The following OCLN variants were observed in gnomAD, a reference collection of about 807,000 sequenced individuals.
OCLN encodes the protein phosphatase 1, regulatory subunit 115.
Under a neutral mutation model 47.9 loss-of-function variants are expected in OCLN, and 21 were observed. The ratio of observed to expected loss-of-function variants is 0.44; its 90% CI spans 0.31 to 0.63. OCLN has a LOEUF of 0.63. Among genes scored for constraint, OCLN ranks in the 30% least tolerant of loss-of-function variants. OCLN has a pLI of 0.08. For missense variants in OCLN, 360 were observed against 571.0 expected (o/e 0.63, Z 3.77); for synonymous variants, 117 against 198.4 (o/e 0.59, Z 3.45).
rs1206241877 is a variant in OCLN at position 69,553,612 on chromosome 5, A to C, written c.1510A>C (p.Lys504Gln). ...KSKKNHCKQL[K>Q]SKLSHIKKMV... is the part of the protein sequence containing the mutation. The stretch of plus-strand genomic sequence containing the variant: ...TAAGAAGAATCATTGCAAGCAGTTA[A>C]AGAGCAAATTGTCACACATCAAGAA... Residue 504 changes from lysine to glutamine, a missense_variant, in exon 9 of 9, where the codon AAG becomes CAG. By Grantham distance (53) the Lys-to-Gln change is moderately conservative. Around this residue, in one of 3 missense-constraint regions of OCLN, gnomAD observed 25 missense variants for 43.9 expected, o/e 0.57. Transcript: ENST00000396442. The C allele has an allele frequency of 6.2e-7, 1 of 1,614,044 alleles. No individual in the cohort carries two copies. Among genetic ancestry groups the C allele is most frequent in the East Asian group, 2.2e-5 (1 of 44,860 alleles).
chr5:69,533,108 C>T (rs141432883), intron 4 of OCLN, among the ~76,000 whole-genome samples: 93,695 of 146,758 alleles, frequency 0.64, 31,497 homozygotes, highest in Non-Finnish European at 0.75. Context: ...CACACACACA[C>T]ATATATATAT....
At position 69,554,386 on chromosome 5, in the gene OCLN, G is replaced by C. The variant is rs1428779007; in HGVS notation, c.*715G>C. On this transcript the variant is annotated 3_prime_UTR_variant, in exon 9 of 9. Transcript: ENST00000396442. ...GTTTAAACCCCGTGGTTAGAATTTT[G>C]TGTGTTTTTAAATACTTTTTATCTT... 6.6e-6 allele frequency: 1 copy of C among 152,012 alleles called. No individual in the cohort carries two copies. Among genetic ancestry groups the C allele is most frequent in the African/African-American group, 2.4e-5 (1 of 41,368 alleles). The allele number at this position is 152,012 out of a possible 1,614,324, so 9.4% of individuals were successfully genotyped here.
In OCLN at chr5:69,509,287, G is replaced by T. The variant is rs116363086; in HGVS notation, c.197G>T (p.Arg66Leu). The T allele has an allele frequency of 1.4e-4, 223 of 1,614,130 alleles. 1 individual carries two copies. Among genetic ancestry groups the T allele is most frequent in the Non-Finnish European group, 1.8e-4 (212 of 1,180,034 alleles). ...TGGACCTCTCCTCCAGGAGTGATTC[G>T]GATCCTGTCTATGCTCATTATTGTG... ...YKWTSPPGVI[R>L]ILSMLIIVMC... The change falls in exon 3 of 9, where the codon CGG (arginine) becomes CTG (leucine). Residue 66 changes from arginine (R) to leucine (L), a missense_variant. By Grantham distance (102) the Arg-to-Leu change is moderately radical. This residue lies in a region of OCLN where 314 missense variants were observed against 368.1 expected (regional missense o/e 0.85). Coordinates refer to ENST00000396442, the MANE Select transcript of OCLN (RefSeq NM_001205254.2).
In OCLN at chr5:69,553,831, A is replaced by G; in HGVS notation, c.*160A>G. 1.0e-6 allele frequency: 1 copy of G among 978,958 alleles called. No homozygotes were observed. The allele number at this position is 978,958 out of a possible 1,614,324, so 60.6% of individuals were successfully genotyped here. A position where few individuals can be genotyped will look rare whatever the true frequency, so the allele number is the denominator to read the frequency against. On this transcript the variant is annotated 3_prime_UTR_variant, in exon 9 of 9. Coordinates refer to ENST00000396442, the MANE Select transcript of OCLN (RefSeq NM_001205254.2). Reference sequence around the variant, plus strand: ...TCATCAGTATTGAAGCATTTTATAAATCGCTTTTGATAATCAACTGGGCTG... The same window carrying G: ...TCATCAGTATTGAAGCATTTTATAAGTCGCTTTTGATAATCAACTGGGCTG...
intron 2 of OCLN, 46 bp downstream of exon 2, chr5:69,504,340 CATG>C (rs1699230350): frequency 8.9e-7 from 1 of 1,126,792 alleles, no homozygotes; most frequent in Non-Finnish European, 1.3e-6. Context: ...AAGTCTATCA[CATG>C]TAAACAATAA....
chr5:69,507,852 C>T (rs1040846766), intron 2 of OCLN, among the ~76,000 whole-genome samples: 6 of 152,160 alleles, frequency 3.9e-5, no homozygotes, highest in Admixed American at 1.3e-4. Flanking sequence ...GTGATCCACC[C>T]GCCTCGGCCT....
chr5:69,494,622 G>T (rs1768241771), intron 1 of OCLN, among the ~76,000 whole-genome samples: 1 of 152,170 alleles, frequency 6.6e-6, no homozygotes, highest in Non-Finnish European at 1.5e-5. Flanking sequence ...GGCCTCCTTT[G>T]TTAGGTGACG....
chr5:69,529,646 C>G (rs1364159188), intron 4 of OCLN, among the ~76,000 whole-genome samples: 6 of 152,206 alleles, frequency 3.9e-5, no homozygotes, highest in Admixed American at 2.6e-4. Context: ...ATCTGTCACC[C>G]AGGCTGGAGT....
intron 4 of OCLN, among the ~76,000 whole-genome samples, chr5:69,515,331 C>G (rs1317353274): frequency 7.2e-6 from 1 of 138,082 alleles, no homozygotes; most frequent in East Asian, 2.3e-4. Flanking sequence ...GGCAGAGGGG[C>G]TCCTCACTTC....
intron 2 of OCLN, among the ~76,000 whole-genome samples, chr5:69,505,734 G>GA (rs1207166417): frequency 1.3e-5 from 2 of 152,156 alleles, no homozygotes; most frequent in African/African-American, 4.8e-5. Flanking sequence ...CCTCTAAGTA[G>GA]TTTGCAGCTT....
Position 69,509,696 on chromosome 5 carries a change from G to T in OCLN, c.606G>T (p.Gln202His). The change falls in exon 3 of 9, where the codon CAG (glutamine) becomes CAT (histidine). Residue 202 changes from glutamine (Q) to histidine (H), a missense_variant. Gln to His is a conservative substitution (Grantham distance 24). Around this residue, in one of 3 missense-constraint regions of OCLN, gnomAD observed 314 missense variants for 368.1 expected, o/e 0.85. Coordinates refer to ENST00000396442, the MANE Select transcript of OCLN (RefSeq NM_001205254.2). ...TAATGGGAGTGAACCCAACTGCTCA[G>T]TCTTCTGGATCTCTATATGGTTCAC... ...VYIMGVNPTAQSSGSLYGSQI... is the reference protein window; with the variant it reads ...VYIMGVNPTAHSSGSLYGSQI... The T allele has an allele frequency of 6.2e-7, 1 of 1,614,172 alleles. No homozygotes were observed. The highest frequency in any genetic ancestry group is 8.5e-7 in the Non-Finnish European group (1 of 1,180,018).
intron 4 of OCLN, among the ~76,000 whole-genome samples, chr5:69,514,474 G>C (rs116402033): frequency 6.1e-4 from 93 of 151,732 alleles, no homozygotes; most frequent in East Asian, 1.9e-3. Flanking sequence ...AGGTGCTCTC[G>C]TGGGTCAAGA....
chr5:69,498,119 G>C (rs567217012), intron 1 of OCLN, among the ~76,000 whole-genome samples: 2 of 151,524 alleles, frequency 1.3e-5, no homozygotes, highest in Non-Finnish European at 2.9e-5. Context: ...GCGACAGAGC[G>C]AGACTCCGTC....
At chr5:69,510,945 AGAAGT>A (rs1470621540) in intron 3 of OCLN, among the ~76,000 whole-genome samples, 1 of 152,182 alleles carries the variant, frequency 6.6e-6, no homozygotes, top group Admixed American at 6.5e-5. Flanking sequence ...CTGATGGGTG[AGAAGT>A]GAAGTGGTGC....
chr5:69,507,754 C>T (rs915851352), intron 2 of OCLN, among the ~76,000 whole-genome samples: 1 of 151,602 alleles, frequency 6.6e-6, no homozygotes, highest in Non-Finnish European at 1.5e-5. Flanking sequence ...TACAAGCACA[C>T]ACCACCACGC....
At chr5:69,508,776 C>T (rs1158012397) in intron 2 of OCLN, among the ~76,000 whole-genome samples, 1 of 152,190 alleles carries the variant, frequency 6.6e-6, no homozygotes, top group Non-Finnish European at 1.5e-5. Context: ...GGTACAATCA[C>T]TTTGGAAAAC....
intron 3 of OCLN, among the ~76,000 whole-genome samples, chr5:69,511,578 A>C (rs1768788701): frequency 4.6e-5 from 7 of 152,008 alleles, no homozygotes; most frequent in Admixed American, 4.6e-4. Flanking sequence ...CACCCGGATA[A>C]TTTTTTAAAA....
At chr5:69,517,295 AATATATAT>A (rs202209882) in intron 4 of OCLN, among the ~76,000 whole-genome samples, 3 of 112,574 alleles carry the variant, frequency 2.7e-5, no homozygotes, top group Admixed American at 1.0e-4. Flanking sequence ...TAAAGACATT[AATATATAT>A]ATATATATAT....
rs908922862 is a variant in OCLN at position 69,493,807 on chromosome 5, G to A, written c.-69+907G>A. Among the ~76,000 whole-genome samples, 1 of 152,202 alleles carries A rather than the reference G, an allele frequency of 6.6e-6. No individual in the cohort carries two copies. Among genetic ancestry groups the A allele is most frequent in the African/African-American group, 2.4e-5 (1 of 41,456 alleles). On this transcript the variant is annotated intron_variant, in intron 1 of 8. Transcript: ENST00000396442. This position sits in a 1 kb window ranked among gnomAD's most constrained non-coding sequence, Gnocchi z 5.3. ...CCATGTTGCCTGCGTCGGAGGAAGC[G>A]TGCGGGGAGCAGGGGTCGAGGGCCA...
Sources: allele counts gnomAD v4.1 joint callset (sites outside exome capture counted in the v4.1 genomes callset), GRCh38; gene constraint gnomAD v4.1.1; regional missense constraint gnomAD v4.1.1; non-coding constraint Gnocchi (gnomAD v3.1); transcripts MANE v1.5; gene names NCBI Gene and HGNC (gene_info 2026-07-23, HGNC 2026-07-21).